FBXO34: variants seen among roughly 807,000 people sequenced by gnomAD.
The protein encoded by FBXO34 is F-box only protein 34.
FBXO34 carries 12 observed loss-of-function variants against 24.5 expected under a neutral mutation model. The ratio of observed to expected loss-of-function variants is 0.49; its 90% confidence interval spans 0.31 to 0.79. The LOEUF (loss-of-function observed/expected upper bound fraction) is 0.79. Among genes scored for constraint, FBXO34 ranks in the 30% least tolerant of loss-of-function variants. FBXO34 has a pLI of 0.04. For missense variants in FBXO34, 823 were observed against 857.7 expected (o/e 0.96, Z 0.51); for synonymous variants, 320 against 311.9 (o/e 1.03, Z -0.27).
At chr14:55,326,810 A>G (rs1350276481) in intron 1 of FBXO34, among the ~76,000 whole-genome samples, 1 of 152,200 alleles carries the variant, frequency 6.6e-6, no homozygotes, top group Non-Finnish European at 1.5e-5. Context: ...TCTCAATAAT[A>G]CAAACTTTAG....
chr14:55,347,866 C>G (rs997434171), intron 1 of FBXO34, among the ~76,000 whole-genome samples: 1 of 152,164 alleles, frequency 6.6e-6, no homozygotes, highest in Non-Finnish European at 1.5e-5. Flanking sequence ...TAAATTTATT[C>G]ATAGATACTG....
At chr14:55,317,319 T>C (rs1234784583) in intron 1 of FBXO34, among the ~76,000 whole-genome samples, 1 of 152,066 alleles carries the variant, frequency 6.6e-6, no homozygotes, top group Non-Finnish European at 1.5e-5. Flanking sequence ...AAAGCCAAGG[T>C]AAATGTAAAA....
At chr14:55,379,600 ATTTC>A in the FBXO34 span, among the ~76,000 whole-genome samples, 2 of 152,186 alleles carry the variant, frequency 1.3e-5, no homozygotes, top group African/African-American at 2.4e-5. Context: ...AAGAATAAGA[ATTTC>A]TTTAAGTGGG....
At chr14:55,338,231 A>G (rs1202057516) in intron 1 of FBXO34, among the ~76,000 whole-genome samples, 1 of 151,136 alleles carries the variant, frequency 6.6e-6, no homozygotes, top group African/African-American at 2.4e-5. Flanking sequence ...TTGTATTTTT[A>G]GTAGAGACGG....
the FBXO34 span, chr14:55,440,444 C>T: frequency 2.0e-5 from 33 of 1,612,898 alleles, no homozygotes; most frequent in East Asian, 3.1e-4. Context: ...TCTCCTCCTG[C>T]TCCATGGACC....
At chr14:55,407,716 C>T in the FBXO34 span, among the ~76,000 whole-genome samples, 3 of 152,102 alleles carry the variant, frequency 2.0e-5, no homozygotes, top group Non-Finnish European at 4.4e-5. Flanking sequence ...TGGCTATCTT[C>T]CTCAAATAAA....
chr14:55,348,543 C>G (rs1034843385), intron 1 of FBXO34, among the ~76,000 whole-genome samples: 1 of 151,532 alleles, frequency 6.6e-6, no homozygotes, highest in African/African-American at 2.4e-5. Context: ...TCTATGGTAA[C>G]TGTTTTCAGA....
intron 1 of FBXO34, among the ~76,000 whole-genome samples, chr14:55,307,529 G>T (rs1306412452): frequency 6.6e-6 from 1 of 152,142 alleles, no homozygotes; most frequent in African/African-American, 2.4e-5. Flanking sequence ...TAGAAATTTG[G>T]TTATAATCCC....
At chr14:55,441,109 G>A in the FBXO34 span, among the ~76,000 whole-genome samples, 914 of 152,186 alleles carry the variant, frequency 6.0e-3, 12 homozygotes, top group African/African-American at 0.021. Flanking sequence ...GCCTCCCAAA[G>A]TGCTGGGATT....
At chr14:55,363,844 A>T, downstream of FBXO34, among the ~76,000 whole-genome samples, 1 of 150,872 alleles carries the variant, frequency 6.6e-6, no homozygotes, top group Non-Finnish European at 1.5e-5. Flanking sequence ...AAGCCAAAAG[A>T]TTGGACACTC....
At chr14:55,294,973 A>G (rs1882070677) in intron 1 of FBXO34, among the ~76,000 whole-genome samples, 1 of 152,248 alleles carries the variant, frequency 6.6e-6, no homozygotes, top group South Asian at 2.1e-4. Flanking sequence ...GAATATGAAC[A>G]TTAGTCAACA....
chr14:55,427,722 G>A, the FBXO34 span, among the ~76,000 whole-genome samples: 126 of 152,164 alleles, frequency 8.3e-4, no homozygotes, highest in Admixed American at 2.6e-3. Flanking sequence ...TGGGGGCGGG[G>A]GAGGAGCACT....
chr14:55,381,949 T>C, the FBXO34 span: 1 of 1,600,814 alleles, frequency 6.2e-7, no homozygotes, highest in Non-Finnish European at 8.6e-7. Flanking sequence ...TCAAAGGATA[T>C]GCTGCTTCTC....
chr14:55,387,702 T>C, the FBXO34 span, among the ~76,000 whole-genome samples: 1 of 152,076 alleles, frequency 6.6e-6, no homozygotes, highest in Non-Finnish European at 1.5e-5. Context: ...GGAGTTTCGC[T>C]CTTGTTGCCC....
the FBXO34 span, chr14:55,413,827 C>G: frequency 2.6e-6 from 1 of 386,812 alleles, no homozygotes; most frequent in Non-Finnish European, 5.0e-6. Context: ...AAAAATCTTG[C>G]CCTTGTTTAC....
the FBXO34 span, among the ~76,000 whole-genome samples, chr14:55,417,362 C>G: frequency 6.7e-6 from 1 of 148,746 alleles, no homozygotes; most frequent in Non-Finnish European, 1.5e-5. Context: ...TTTAAGGGAA[C>G]CTAAATTGGC....
In FBXO34 at chr14:55,331,671, G is replaced by GTATATATATATATGTGTA. The variant is rs1883545340; in HGVS notation, c.-10-18696_-10-18679dup. Among the ~76,000 whole-genome samples, 3 of 45,570 alleles carry GTATATATATATATGTGTA rather than the reference G, an allele frequency of 6.6e-5. 1 individual carries two copies. Among genetic ancestry groups the GTATATATATATATGTGTA allele is most frequent in the Non-Finnish European group, 1.2e-4 (3 of 25,100 alleles). The allele number at this position is 45,570 out of a possible 152,430, so 29.9% of individuals were successfully genotyped here. ...ATATATATATACCAACATGGTGTGT[G>GTATATATATATATGTGTA]TATATATATATATGTGTATATATAT... On this transcript the variant is annotated intron_variant, in intron 1 of 1. Coordinates refer to ENST00000313833, the MANE Select transcript of FBXO34 (RefSeq NM_017943.4).
At chr14:55,305,070 T>C (rs1882492040) in intron 1 of FBXO34, among the ~76,000 whole-genome samples, 1 of 152,120 alleles carries the variant, frequency 6.6e-6, no homozygotes, top group African/African-American at 2.4e-5. Context: ...TAACCTCAAA[T>C]AAAAATCCTA....
the FBXO34 span, chr14:55,424,216 T>C: frequency 6.2e-6 from 10 of 1,613,522 alleles, no homozygotes; most frequent in Admixed American, 1.5e-4. Flanking sequence ...GGTTTTACCA[T>C]TCTATAAATA....
Sources: gnomAD v4.1 joint callset for allele counts (sites outside exome capture counted in the v4.1 genomes callset) on GRCh38, gnomAD v4.1.1 for gene constraint, MANE v1.5 for transcripts, NCBI Gene and HGNC (gene_info 2026-07-23, HGNC 2026-07-21) for gene names.